The following NUDT5 variants were observed in gnomAD, a reference collection of about 807,000 sequenced individuals.
NUDT5 encodes ADP-sugar pyrophosphatase.
Under a neutral mutation model 34.1 loss-of-function variants are expected in NUDT5, and 21 were observed. That is an observed-to-expected ratio of 0.62 (90% CI 0.44 to 0.89). The LOEUF (loss-of-function observed/expected upper bound fraction) is 0.89. Among genes scored for constraint, NUDT5 ranks in the 40% least tolerant of loss-of-function variants. The probability of loss-of-function intolerance (pLI) is 0.00; values close to 1 mark genes in which losing one functional copy is unlikely to be tolerated. For synonymous variants in NUDT5, 85 were observed against 97.6 expected (o/e 0.87, Z 0.76); for missense variants, 249 against 274.8 (o/e 0.91, Z 0.66).
At chr10:12,189,846 G>A (rs181267377) in intron 1 of NUDT5, among the ~76,000 whole-genome samples, 59 of 151,882 alleles carry the variant, frequency 3.9e-4, no homozygotes, top group African/African-American at 1.4e-3. Flanking sequence ...TTGCCAATAT[G>A]TGTATGGTAT....
intron 3 of NUDT5, 135 bp downstream of exon 3, chr10:12,184,754 C>A (rs1588660832): frequency 5.9e-6 from 4 of 675,364 alleles, no homozygotes; most frequent in Non-Finnish European, 9.9e-6. Context: ...CATCCTAACA[C>A]TGGAAAAACA....
Position 12,169,371 on chromosome 10 carries a change from G to C in NUDT5, c.550+1346C>G. Reference sequence around the variant, plus strand: ...ATTTCACACTTGCCTACGTCACCCTGCTTTCCACGCACCTCCTCAGAGGGA... The same window carrying C: ...ATTTCACACTTGCCTACGTCACCCTCCTTTCCACGCACCTCCTCAGAGGGA... On this transcript the variant is annotated intron_variant, in intron 9 of 9. Transcript: ENST00000491614. This position sits in a 1 kb window ranked among gnomAD's most constrained non-coding sequence, Gnocchi z 4.8. 7.6e-7 allele frequency: 1 copy of C among 1,311,110 alleles called. No individual in the cohort carries two copies. Among genetic ancestry groups the C allele is most frequent in the Non-Finnish European group, 1.1e-6 (1 of 940,192 alleles). The allele number at this position is 1,311,110 out of a possible 1,614,324, so 81.2% of individuals were successfully genotyped here. A position where few individuals can be genotyped will look rare whatever the true frequency, so the allele number is the denominator to read the frequency against.
chr10:12,179,594 C>A (rs1189042184), intron 3 of NUDT5, among the ~76,000 whole-genome samples: 1 of 152,180 alleles, frequency 6.6e-6, no homozygotes, highest in African/African-American at 2.4e-5. Flanking sequence ...AATATGTGAC[C>A]TAAAACACAC....
chr10:12,170,326 G>A lies in NUDT5; in HGVS notation c.550+391C>T. ...TCATCAATTTCTCCTTGAACATACA[G>A]CCTCCACAAAGGACCATCCCTCATA... On this transcript the variant is annotated intron_variant, in intron 9 of 9. Coordinates refer to ENST00000491614, the MANE Select transcript of NUDT5 (RefSeq NM_014142.4). This position sits in a 1 kb window ranked among gnomAD's most constrained non-coding sequence, Gnocchi z 4.9. 1.1e-6 allele frequency: 1 copy of A among 881,828 alleles called. No homozygotes were observed. The highest frequency in any genetic ancestry group is 2.4e-5 in the East Asian group (1 of 40,846). The allele number at this position is 881,828 out of a possible 1,614,324, so 54.6% of individuals were successfully genotyped here. A position where few individuals can be genotyped will look rare whatever the true frequency, so the allele number is the denominator to read the frequency against.
rs1221465377 is a variant in NUDT5 at position 12,165,499 on chromosome 10, C to A, written c.*2203G>T. Reference sequence around the variant, plus strand: ...AAGTCAAATGTAATTACACTTCAAACTTTAATCCTAAATTATTGACAGATA... The same window carrying A: ...AAGTCAAATGTAATTACACTTCAAAATTTAATCCTAAATTATTGACAGATA... On this transcript the variant is annotated 3_prime_UTR_variant, in exon 10 of 10. Coordinates refer to ENST00000491614, the MANE Select transcript of NUDT5 (RefSeq NM_014142.4). The A allele has an allele frequency of 8.8e-6, 3 of 341,366 alleles. No homozygotes were observed. Among genetic ancestry groups the A allele is most frequent in the African/African-American group, 4.5e-5 (2 of 44,774 alleles). The allele number at this position is 341,366 out of a possible 1,614,324, so 21.1% of individuals were successfully genotyped here.
chr10:12,179,154 A>C lies in NUDT5; in HGVS notation c.132-22T>G, dbSNP rs759975758. ...AGTTCTGTTCAGGCAGAGAAGAAAA[A>C]AAAGTCATTAGTGCTACAGAAGAGA... is the stretch of plus-strand genomic sequence containing the variant. On this transcript the variant is annotated intron_variant, in intron 3 of 9. Transcript: ENST00000491614. The C allele has an allele frequency of 5.0e-6, 8 of 1,609,034 alleles. No individual in the cohort carries two copies. The African/African-American group carries it at 9.4e-5, about 19-fold the overall frequency.
chr10:12,184,150 C>T (rs1319109209), intron 3 of NUDT5, among the ~76,000 whole-genome samples: 1 of 152,178 alleles, frequency 6.6e-6, no homozygotes, highest in African/African-American at 2.4e-5. Flanking sequence ...CTCCCGGGTT[C>T]AAGCAATTCT....
rs1834798563 is a variant in NUDT5 at position 12,169,395 on chromosome 10, G to A, written c.550+1322C>T. 1.9e-6 allele frequency: 2 copies of A among 1,059,526 alleles called. No individual in the cohort carries two copies. Among genetic ancestry groups the A allele is most frequent in the South Asian group, 1.5e-5 (1 of 65,576 alleles). 65.6% of individuals were successfully genotyped at this position (1,059,526 alleles called of 1,614,324 possible). A position where few individuals can be genotyped will look rare whatever the true frequency, so the allele number is the denominator to read the frequency against. ...TGCTTTCCACGCACCTCCTCAGAGGGAGGGGCTGTTATTGTTCCTGTTTTA... is the reference window on the plus strand; with the variant it reads ...TGCTTTCCACGCACCTCCTCAGAGGAAGGGGCTGTTATTGTTCCTGTTTTA... On this transcript the variant is annotated intron_variant, in intron 9 of 9. Coordinates refer to ENST00000491614, the MANE Select transcript of NUDT5 (RefSeq NM_014142.4). This position sits in a 1 kb window ranked among gnomAD's most constrained non-coding sequence, Gnocchi z 4.8.
At position 12,171,662 on chromosome 10, in the gene NUDT5, T is replaced by G. The variant is rs959294168; in HGVS notation, c.488-754A>C. On this transcript the variant is annotated intron_variant, in intron 7 of 9. Coordinates refer to ENST00000491614, the MANE Select transcript of NUDT5 (RefSeq NM_014142.4). This position sits in a 1 kb window ranked among gnomAD's most constrained non-coding sequence, Gnocchi z 4.2. ...TTTTCCACAGTGTCTCATATGTATA[T>G]GTGCAGTTCAAAAATTAAGATTTAT... Among the ~76,000 whole-genome samples the G allele has an allele frequency of 6.6e-6, 1 of 152,028 alleles. No homozygotes were observed. Among genetic ancestry groups the G allele is most frequent in the Non-Finnish European group, 1.5e-5 (1 of 68,006 alleles).
intron 1 of NUDT5, among the ~76,000 whole-genome samples, chr10:12,192,820 C>CA (rs1341726388): frequency 1.3e-5 from 2 of 151,938 alleles, no homozygotes; most frequent in Non-Finnish European, 2.9e-5. Context: ...CACTGCATTC[C>CA]AGCCTGGGCG....
Position 12,169,281 on chromosome 10 carries a change from G to A in NUDT5, c.550+1436C>T, listed in dbSNP as rs1834793021. On this transcript the variant is annotated intron_variant, in intron 9 of 9. Transcript: ENST00000491614. The surrounding 1 kb of genome is among the most constrained non-coding windows in gnomAD (Gnocchi z 4.8). ...AGACCAAAAGTGAAGTTAAGAAGGTGGAAGGGAGAAGGAAGACATTTTACA... is the reference window on the plus strand; with the variant it reads ...AGACCAAAAGTGAAGTTAAGAAGGTAGAAGGGAGAAGGAAGACATTTTACA... 1.3e-6 allele frequency: 2 copies of A among 1,553,396 alleles called. No homozygotes were observed. The highest frequency in any genetic ancestry group is 1.7e-6 in the Non-Finnish European group (2 of 1,147,266).
At chr10:12,178,525 G>A (rs1466158864) in intron 4 of NUDT5, among the ~76,000 whole-genome samples, 1 of 152,166 alleles carries the variant, frequency 6.6e-6, no homozygotes, top group South Asian at 2.1e-4. Flanking sequence ...CAGCAAAAAT[G>A]GAAACCAAAA....
In NUDT5 at chr10:12,175,118, G is replaced by A. The variant is rs1834927432; in HGVS notation, c.290-1305C>T. Among the ~76,000 whole-genome samples, 1 of 152,034 alleles carries A rather than the reference G, an allele frequency of 6.6e-6. No individual in the cohort carries two copies. Among genetic ancestry groups the A allele is most frequent in the Non-Finnish European group, 1.5e-5 (1 of 68,000 alleles). On this transcript the variant is annotated intron_variant, in intron 5 of 9. Coordinates refer to ENST00000491614, the MANE Select transcript of NUDT5 (RefSeq NM_014142.4). This position sits in a 1 kb window ranked among gnomAD's most constrained non-coding sequence, Gnocchi z 4.8. ...GCAGATCACCTGAGGTCAGGGGTTC[G>A]AGACCAGCCTGGCCAACATGGTGAA...
intron 2 of NUDT5, 62 bp from the exon 3 acceptor site, chr10:12,185,018 G>A: frequency 1.2e-6 from 1 of 850,836 alleles, no homozygotes; most frequent in East Asian, 2.5e-5. Flanking sequence ...TATCTAAAAG[G>A]GTTTTTCTTT....
chr10:12,179,103 C>T lies in NUDT5; in HGVS notation c.161G>A (p.Arg54Lys). 1 of 1,614,130 alleles carries T rather than the reference C, an allele frequency of 6.2e-7. No individual in the cohort carries two copies. Among genetic ancestry groups the T allele is most frequent in the Non-Finnish European group, 8.5e-7 (1 of 1,180,002 alleles). Residue 54 changes from arginine to lysine, a missense_variant, in exon 4 of 10, where the codon AGG becomes AAG. By Grantham distance (26) the Arg-to-Lys change is conservative. Transcript: ENST00000491614. ...RTWESVKRTT[R>K]KEQTADGVAV... ...CCTACCATCCGCAGTCTGCTCTTTC[C>T]TGGTTGTACGTTTCACTGATTCCCA... is the stretch of plus-strand genomic sequence containing the variant.
rs1053403 is a variant in NUDT5 at position 12,166,308 on chromosome 10, G to A, written c.*1394C>T. On this transcript the variant is annotated 3_prime_UTR_variant, in exon 10 of 10. Coordinates refer to ENST00000491614, the MANE Select transcript of NUDT5 (RefSeq NM_014142.4). ...CTTTCAGACCTAAGGAAGAGTTAGA[G>A]CTTTGGAGAATCACAATGCCTGTGA... is the stretch of plus-strand genomic sequence containing the variant. The A allele has an allele frequency of 0.42, 64,414 of 154,304 alleles. 13,503 individuals carry two copies. Among genetic ancestry groups the A allele is most frequent in the East Asian group, 0.53 (2,750 of 5,206 alleles). 9.6% of individuals were successfully genotyped at this position (154,304 alleles called of 1,614,324 possible). A position where few individuals can be genotyped will look rare whatever the true frequency, so the allele number is the denominator to read the frequency against.
chr10:12,168,820 T>C lies in NUDT5; in HGVS notation c.551-1009A>G, dbSNP rs1473307627. ...ACTTTGTCGCCAGGCTGCAGTGCAGTGCCACGATCTTGGCTCACTGCAACC... is the reference window on the plus strand; with the variant it reads ...ACTTTGTCGCCAGGCTGCAGTGCAGCGCCACGATCTTGGCTCACTGCAACC... On this transcript the variant is annotated intron_variant, in intron 9 of 9. Transcript: ENST00000491614. The surrounding 1 kb of genome is among the most constrained non-coding windows in gnomAD (Gnocchi z 4.8). 6.6e-6 allele frequency among the ~76,000 whole-genome samples: 1 copy of C among 152,130 alleles called. No homozygotes were observed. The highest frequency in any genetic ancestry group is 1.9e-4 in the East Asian group (1 of 5,196).
chr10:12,165,680 A>AAAAG lies in NUDT5; in HGVS notation c.*2018_*2021dup, dbSNP rs1834658174. The AAAAG allele has an allele frequency of 6.6e-6, 1 of 152,270 alleles. No individual in the cohort carries two copies. Among genetic ancestry groups the AAAAG allele is most frequent in the Non-Finnish European group, 1.5e-5 (1 of 68,066 alleles). The allele number at this position is 152,270 out of a possible 1,614,324, so 9.4% of individuals were successfully genotyped here. ...TTGAAAACTATGTGCTTTATTTCCC[A>AAAAG]AAAGATCAAACTTAATTTTTAAAAG... On this transcript the variant is annotated 3_prime_UTR_variant, in exon 10 of 10. Coordinates refer to ENST00000491614, the MANE Select transcript of NUDT5 (RefSeq NM_014142.4).
Position 12,169,632 on chromosome 10 carries a change from C to A in NUDT5, c.550+1085G>T, listed in dbSNP as rs1834807341. On this transcript the variant is annotated intron_variant, in intron 9 of 9. Transcript: ENST00000491614. The surrounding 1 kb of genome is among the most constrained non-coding windows in gnomAD (Gnocchi z 4.8). ...TTTGAGCTGTCGAGGTGGCTTCTAC[C>A]TTAGGTCTAGTTTTTGGAAAGGTGA... The A allele has an allele frequency of 7.7e-6, 2 of 261,408 alleles. No individual in the cohort carries two copies. Among genetic ancestry groups the A allele is most frequent in the Admixed American group, 1.0e-4 (2 of 19,150 alleles). The allele number at this position is 261,408 out of a possible 1,614,324, so 16.2% of individuals were successfully genotyped here.
Sources: allele counts gnomAD v4.1 joint callset (sites outside exome capture counted in the v4.1 genomes callset), GRCh38; gene constraint gnomAD v4.1.1; non-coding constraint Gnocchi (gnomAD v3.1); transcripts MANE v1.5; gene names NCBI Gene and HGNC (gene_info 2026-07-23, HGNC 2026-07-21).